Variants in SLC44A5 observed in about 807,000 individuals in gnomAD.
The protein encoded by SLC44A5 is solute carrier family 44 member 5, also known as choline transporter-like protein 5.
Under a neutral mutation model 101.8 loss-of-function variants are expected in SLC44A5, and 57 were observed. The observed-to-expected ratio is 0.56, with a 90% CI of 0.45 to 0.70. The LOEUF is 0.70. SLC44A5 is among the 30% of genes least tolerant of loss of function. The pLI is 0.00. For synonymous variants in SLC44A5, 281 were observed against 290.9 expected (o/e 0.97, Z 0.35); for missense variants, 737 against 853.1 (o/e 0.86, Z 1.70).
At chr1:75,535,439 C>T (rs1670945020) in intron 2 of SLC44A5, among the ~76,000 whole-genome samples, 1 of 152,126 alleles carries the variant, frequency 6.6e-6, no homozygotes, top group South Asian at 2.1e-4. Context: ...AGGGTTCTTC[C>T]ATCGTGTGGA....
At chr1:75,289,156 G>T (rs1327973183) in intron 5 of SLC44A5, among the ~76,000 whole-genome samples, 1 of 152,120 alleles carries the variant, frequency 6.6e-6, no homozygotes, top group African/African-American at 2.4e-5. Flanking sequence ...ATTAAAAGGG[G>T]TGCAATACTT....
chr1:75,275,489 A>G (rs899530707), intron 5 of SLC44A5, among the ~76,000 whole-genome samples: 29 of 152,198 alleles, frequency 1.9e-4, no homozygotes, highest in Admixed American at 1.4e-3. Flanking sequence ...GGATGAAACT[A>G]TAATGCCCAA....
chr1:75,684,070 G>A, the SLC44A5 span, among the ~76,000 whole-genome samples: 1 of 152,102 alleles, frequency 6.6e-6, no homozygotes, highest in Non-Finnish European at 1.5e-5. Context: ...GAACGAAAAG[G>A]AAAAGCAAAG....
intron 2 of SLC44A5, among the ~76,000 whole-genome samples, chr1:75,504,139 G>A (rs1021069227): frequency 6.6e-6 from 1 of 152,036 alleles, no homozygotes; most frequent in African/African-American, 2.4e-5. Flanking sequence ...ATGCTTGTGT[G>A]TCATAAAGTT....
chr1:75,315,958 C>A (rs963596005), intron 4 of SLC44A5, among the ~76,000 whole-genome samples: 3 of 152,160 alleles, frequency 2.0e-5, no homozygotes, highest in African/African-American at 7.2e-5. Flanking sequence ...AATCTCATTG[C>A]TACTTTCTAG....
rs1259131494 is a variant in SLC44A5 at position 75,537,027 on chromosome 1, A to ATATATATATAT, written c.13+4407_13+4408insATATATATATA. On this transcript the variant is annotated intron_variant, in intron 2 of 23. Coordinates refer to ENST00000370859, the MANE Select transcript of SLC44A5 (RefSeq NM_001130058.2). ...TCTCAAAAAAAAAAAAAAAAAAAAA[A>ATATATATATAT]AAAAAAATATATATCTATGCCAAAT... Among the ~76,000 whole-genome samples the ATATATATATAT allele has an allele frequency of 2.6e-3, 88 of 34,048 alleles. 3 individuals carry two copies. Among genetic ancestry groups the ATATATATATAT allele is most frequent in the Non-Finnish European group, 6.9e-3 (70 of 10,146 alleles). The allele number at this position is 34,048 out of a possible 152,430, so 22.3% of individuals were successfully genotyped here.
chr1:75,683,628 G>T, the SLC44A5 span, among the ~76,000 whole-genome samples: 32 of 152,248 alleles, frequency 2.1e-4, no homozygotes, highest in Non-Finnish European at 4.4e-4. Flanking sequence ...AGGGGGGAGG[G>T]ATAGCATTGG....
At chr1:75,646,474 T>C in the SLC44A5 span, among the ~76,000 whole-genome samples, 1 of 152,098 alleles carries the variant, frequency 6.6e-6, no homozygotes, top group Non-Finnish European at 1.5e-5. Flanking sequence ...CCCAAAGAAA[T>C]AGGGAAGCCT....
At chr1:75,677,925 C>T in the SLC44A5 span, 2 of 213,186 alleles carry the variant, frequency 9.4e-6, no homozygotes, top group Non-Finnish European at 1.9e-5. Flanking sequence ...CGAGCCGAAG[C>T]AGGGCGAGGC....
intron 2 of SLC44A5, among the ~76,000 whole-genome samples, chr1:75,524,835 GA>G (rs1670328856): frequency 6.6e-6 from 1 of 151,800 alleles, no homozygotes; most frequent in Non-Finnish European, 1.5e-5. Context: ...TATCTGTATT[GA>G]AAAAAGAATG....
intron 3 of SLC44A5, among the ~76,000 whole-genome samples, chr1:75,374,327 T>C (rs1660424725): frequency 1.3e-5 from 2 of 152,152 alleles, no homozygotes; most frequent in African/African-American, 2.4e-5. Context: ...CCTGCAGACA[T>C]ACCTCACAAC....
chr1:75,457,383 T>C (rs1168990284), intron 2 of SLC44A5, among the ~76,000 whole-genome samples: 4 of 151,994 alleles, frequency 2.6e-5, no homozygotes, highest in East Asian at 3.9e-4. Flanking sequence ...TATCCTAACA[T>C]CATGGGAAAG....
At chr1:75,323,404 G>A (rs1373179405) in intron 4 of SLC44A5, among the ~76,000 whole-genome samples, 6 of 151,604 alleles carry the variant, frequency 4.0e-5, no homozygotes, top group Admixed American at 6.6e-5. Context: ...ATAAACATAC[G>A]TGTGCATGTG....
rs530909573 is a variant in SLC44A5, at chr1:75,439,389, A to G, written c.14-42768T>C. Among the ~76,000 whole-genome samples, 3 of 152,208 alleles carry G rather than the reference A, an allele frequency of 2.0e-5. No homozygotes were observed. The East Asian group carries it at 5.8e-4, about 29-fold the overall frequency. On this transcript the variant is annotated intron_variant, in intron 2 of 23. Coordinates refer to ENST00000370859, the MANE Select transcript of SLC44A5 (RefSeq NM_001130058.2). ...GGAGATTTGAAAAGTAACTAACAAA[A>G]CTTTTATAAATTAAAAACATTATTG...
chr1:75,704,226 T>G, the SLC44A5 span, among the ~76,000 whole-genome samples: 8 of 152,108 alleles, frequency 5.3e-5, no homozygotes, highest in Non-Finnish European at 8.8e-5. Flanking sequence ...GGTATAAAAA[T>G]CAGGATATTA....
At chr1:75,668,487 G>T in the SLC44A5 span, among the ~76,000 whole-genome samples, 1 of 150,654 alleles carries the variant, frequency 6.6e-6, no homozygotes, top group South Asian at 2.1e-4. Context: ...ACCATGCCCG[G>T]TTAATTTTTT....
intron 5 of SLC44A5, among the ~76,000 whole-genome samples, chr1:75,283,177 T>C (rs1163869268): frequency 6.7e-6 from 1 of 149,770 alleles, no homozygotes; most frequent in African/African-American, 2.5e-5. Context: ...ATTTTTTTTT[T>C]ATTATGGCCA....
chr1:75,276,990 C>T (rs1476892193), intron 5 of SLC44A5, among the ~76,000 whole-genome samples: 1 of 152,172 alleles, frequency 6.6e-6, no homozygotes, highest in African/African-American at 2.4e-5. Flanking sequence ...GTATCCGCAG[C>T]ATCTGCTATT....
At chr1:75,535,064 G>T (rs1670919504) in intron 2 of SLC44A5, among the ~76,000 whole-genome samples, 1 of 119,174 alleles carries the variant, frequency 8.4e-6, no homozygotes. Context: ...TACTATAATT[G>T]AAGCTGCTTT....
Sources: allele counts gnomAD v4.1 joint callset (sites outside exome capture counted in the v4.1 genomes callset), GRCh38; gene constraint gnomAD v4.1.1; transcripts MANE v1.5; gene names NCBI Gene and HGNC (gene_info 2026-07-23, HGNC 2026-07-21).